PLSCR4: variants seen among roughly 807,000 people sequenced by gnomAD.
The protein encoded by PLSCR4 is Ca(2+)-dependent phospholipid scramblase 4.
Under a neutral mutation model 36.3 loss-of-function variants are expected in PLSCR4, and 25 were observed. The observed-to-expected ratio is 0.69, with a 90% confidence interval of 0.50 to 0.96. The LOEUF (loss-of-function observed/expected upper bound fraction) is 0.96. Among genes scored for constraint, PLSCR4 ranks in the 40% least tolerant of loss-of-function variants. PLSCR4 has a pLI of 0.00. For missense variants in PLSCR4, 408 were observed against 414.7 expected, an observed-to-expected ratio of 0.98 and a Z score of 0.14; for synonymous variants, 122 against 132.9, an observed-to-expected ratio of 0.92 and a Z score of 0.56.
At chr3:146,221,695 C>T (rs1318647210) in intron 2 of PLSCR4, among the ~76,000 whole-genome samples, 1 of 152,176 alleles carries the variant, frequency 6.6e-6, no homozygotes, top group Admixed American at 6.5e-5. Flanking sequence ...ACAAGGCCTA[C>T]TTTCATCCTC....
At chr3:146,202,584 T>C (rs1381865035) in intron 4 of PLSCR4, among the ~76,000 whole-genome samples, 6 of 152,018 alleles carry the variant, frequency 3.9e-5, no homozygotes, top group Admixed American at 2.0e-4. Context: ...GAAGCCCAGG[T>C]TGGCGGCAGC....
intron 1 of PLSCR4, among the ~76,000 whole-genome samples, chr3:146,248,603 A>G (rs2036436561): frequency 6.6e-6 from 1 of 152,198 alleles, no homozygotes; most frequent in Non-Finnish European, 1.5e-5. Context: ...TTTAAACTGT[A>G]TATTATTCCA....
At chr3:146,247,864 T>G (rs2036400650) in intron 1 of PLSCR4, among the ~76,000 whole-genome samples, 1 of 152,196 alleles carries the variant, frequency 6.6e-6, no homozygotes, top group Admixed American at 6.5e-5. Flanking sequence ...TAAAACAATC[T>G]GCCCACCCCT....
intron 1 of PLSCR4, among the ~76,000 whole-genome samples, chr3:146,250,140 T>C (rs1312279894): frequency 1.3e-5 from 2 of 152,342 alleles, no homozygotes; most frequent in East Asian, 1.9e-4. Flanking sequence ...ATTAGCATTC[T>C]TGTCTTTTTC....
chr3:146,210,869 T>G lies in PLSCR4; in HGVS notation c.119-4108A>C, dbSNP rs147030635. Among the ~76,000 whole-genome samples, 1,328 of 152,066 alleles carry G rather than the reference T, an allele frequency of 8.7e-3. 18 individuals are homozygous for G. The highest frequency in any genetic ancestry group is 0.031 in the African/African-American group (1,282 of 41,508). On this transcript the variant is annotated intron_variant, in intron 3 of 8. Coordinates refer to ENST00000354952, the MANE Select transcript of PLSCR4 (RefSeq NM_020353.3). ...TCTGTTTTTTTTTTTACACTTGGCA[T>G]GTTTTCAAGGTTCATCCATGTTGTA...
chr3:146,207,434 G>A (rs1222318441), intron 3 of PLSCR4, among the ~76,000 whole-genome samples: 1 of 151,354 alleles, frequency 6.6e-6, no homozygotes, highest in African/African-American at 2.4e-5. Context: ...TTATAGTTCT[G>A]GAGGCTGGGA....
At chr3:146,234,569 G>A (rs532606181) in intron 1 of PLSCR4, among the ~76,000 whole-genome samples, 1 of 152,172 alleles carries the variant, frequency 6.6e-6, no homozygotes, top group Non-Finnish European at 1.5e-5. Context: ...CTGCCTTCCT[G>A]TGACTTGGCC....
At chr3:146,232,670 T>C (rs905195242) in intron 1 of PLSCR4, among the ~76,000 whole-genome samples, 2 of 152,194 alleles carry the variant, frequency 1.3e-5, no homozygotes, top group South Asian at 4.1e-4. Flanking sequence ...GAAATGCTAC[T>C]GATTGTTTTA....
At chr3:146,230,260 T>C (rs906915258) in intron 1 of PLSCR4, among the ~76,000 whole-genome samples, 2 of 152,182 alleles carry the variant, frequency 1.3e-5, no homozygotes, top group Non-Finnish European at 2.9e-5. Flanking sequence ...ATATTTCTGA[T>C]TACAAAAGTA....
rs2035101869 is a variant in PLSCR4 at position 146,220,829 on chromosome 3, G to A, written c.104C>T (p.Ser35Phe). ...PRPDAPPEYN[S>F]HFLPGPPGTA... ...ATTTAACCCACCTGGTAAAAAATGA[G>A]AATTGTATTCAGGAGGAGCATCAGG... Residue 35 changes from serine (S) to phenylalanine (F), a missense_variant, in exon 3 of 9, where the codon TCT (serine) becomes TTT (phenylalanine). By Grantham distance (155) the Ser-to-Phe change is radical (BLOSUM62 -2). Coordinates refer to ENST00000354952, the MANE Select transcript of PLSCR4 (RefSeq NM_020353.3). The A allele has an allele frequency of 1.2e-6, 2 of 1,600,620 alleles. No individual in the cohort carries two copies. Among genetic ancestry groups the A allele is most frequent in the African/African-American group, 1.3e-5 (1 of 74,578 alleles).
intron 1 of PLSCR4, among the ~76,000 whole-genome samples, chr3:146,250,077 C>G (rs2036486422): frequency 6.6e-6 from 1 of 152,194 alleles, no homozygotes; most frequent in African/African-American, 2.4e-5. Context: ...ATATGTTCCC[C>G]TACCTGTTGT....
At chr3:146,241,223 T>C (rs1421032136) in intron 1 of PLSCR4, among the ~76,000 whole-genome samples, 1 of 152,240 alleles carries the variant, frequency 6.6e-6, no homozygotes, top group Non-Finnish European at 1.5e-5. Flanking sequence ...TTTGGAATTA[T>C]GAAATTATTC....
intron 1 of PLSCR4, 198 bp from the exon 2 acceptor site, chr3:146,222,290 G>A: frequency 3.3e-6 from 1 of 303,522 alleles, no homozygotes; most frequent in East Asian, 5.3e-5. Flanking sequence ...GTACAGCAAT[G>A]AAGCAGACAG....
intron 1 of PLSCR4, among the ~76,000 whole-genome samples, chr3:146,232,127 C>A (rs1328957090): frequency 6.6e-6 from 1 of 152,078 alleles, no homozygotes; most frequent in Non-Finnish European, 1.5e-5. Flanking sequence ...TTCCCCATTG[C>A]TTGGTATTGT....
At chr3:146,205,799 T>G (rs1322134851) in intron 4 of PLSCR4, among the ~76,000 whole-genome samples, 3 of 152,116 alleles carry the variant, frequency 2.0e-5, no homozygotes, top group Non-Finnish European at 4.4e-5. Flanking sequence ...ACCGCAGGAA[T>G]CAACGCCACA....
At chr3:146,237,380 G>A (rs1455597494) in intron 1 of PLSCR4, among the ~76,000 whole-genome samples, 2 of 152,032 alleles carry the variant, frequency 1.3e-5, no homozygotes, top group Non-Finnish European at 2.9e-5. Context: ...GAACCAATTA[G>A]ATCTATAATT....
intron 1 of PLSCR4, among the ~76,000 whole-genome samples, chr3:146,243,647 A>G (rs367712435): frequency 6.6e-6 from 1 of 152,178 alleles, no homozygotes; most frequent in Non-Finnish European, 1.5e-5. Context: ...AAAATATGTG[A>G]TGGGTTTACT....
intron 1 of PLSCR4, among the ~76,000 whole-genome samples, chr3:146,233,342 A>C (rs1293807293): frequency 6.6e-6 from 1 of 152,132 alleles, no homozygotes; most frequent in African/African-American, 2.4e-5. Context: ...AAACCACAAC[A>C]CTAGAAAAGG....
intron 1 of PLSCR4, among the ~76,000 whole-genome samples, chr3:146,234,618 A>C (rs2035842452): frequency 6.6e-6 from 1 of 152,152 alleles, no homozygotes; most frequent in Non-Finnish European, 1.5e-5. Flanking sequence ...CAGAGATGAA[A>C]AGGGTAAATA....
Sources: allele counts gnomAD v4.1 joint callset (sites outside exome capture counted in the v4.1 genomes callset), GRCh38; gene constraint gnomAD v4.1.1; transcripts MANE v1.5; gene names NCBI Gene and HGNC (gene_info 2026-07-23, HGNC 2026-07-21).